Variants in RPP30 observed in about 807,000 individuals in gnomAD.
RPP30 encodes the protein ribonuclease P protein subunit p30.
In RPP30, 36 loss-of-function variants were observed where a neutral mutation model predicts 38.6. The ratio of observed to expected loss-of-function variants is 0.93; its 90% CI spans 0.71 to 1.23. RPP30 has a LOEUF of 1.23. Among genes scored for constraint, RPP30 ranks in the 50% most tolerant of loss-of-function variants. The pLI is 0.00. For synonymous variants in RPP30, 126 were observed against 112.7 expected (o/e 1.12, Z -0.75); for missense variants, 321 against 321.7 (o/e 1.00, Z 0.02).
chr10:90,885,669 G>A (rs914902744), intron 5 of RPP30, 143 bp from the exon 6 acceptor site: 16 of 625,726 alleles, frequency 2.6e-5, no homozygotes, highest in Non-Finnish European at 4.2e-5. Context: ...AGTTGACTTT[G>A]TAAAAGGTCA....
chr10:90,902,747 G>A (rs938687092), downstream of RPP30, among the ~76,000 whole-genome samples: 1 of 152,162 alleles, frequency 6.6e-6, no homozygotes, highest in African/African-American at 2.4e-5. Flanking sequence ...TATATTAAAT[G>A]TGATGGCTCC....
At chr10:90,879,296 A>G (rs896008813) in intron 5 of RPP30, among the ~76,000 whole-genome samples, 162 bp downstream of exon 5, 5 of 152,064 alleles carry the variant, frequency 3.3e-5, no homozygotes. Context: ...TATAACTGGT[A>G]TTTGTGGTTT....
chr10:90,874,880 G>C lies in RPP30; in HGVS notation c.94G>C (p.Val32Leu). The change falls in exon 2 of 11, where the codon GTT (valine) becomes CTT (leucine). Residue 32 changes from valine to leucine, a missense_variant. Transcript: ENST00000371703. ...VETAAHLGYS[V>L]VAINHIVDFK... ...TTTTTCTTTTTCAGTTGGCTATTCA[G>C]TTGTTGCTATCAATCATATCGTTGA... 1 of 1,595,232 alleles carries C rather than the reference G, an allele frequency of 6.3e-7. No individual in the cohort carries two copies. Among genetic ancestry groups the C allele is most frequent in the South Asian group, 1.1e-5 (1 of 88,010 alleles).
At chr10:90,885,997 C>A in intron 6 of RPP30, 96 bp downstream of exon 6, 1 of 801,654 alleles carries the variant, frequency 1.2e-6, no homozygotes, top group Non-Finnish European at 1.9e-6. Flanking sequence ...GAAGGAAAAA[C>A]AAAGGCTAGG....
intron 6 of RPP30, among the ~76,000 whole-genome samples, chr10:90,886,443 G>T (rs1229710804): frequency 6.6e-6 from 1 of 152,126 alleles, no homozygotes; most frequent in African/African-American, 2.4e-5. Flanking sequence ...TTCTCCCTCT[G>T]CTATAGAATT....
At chr10:90,906,918 T>TA (rs1187434695), downstream of RPP30, among the ~76,000 whole-genome samples, 4 of 152,096 alleles carry the variant, frequency 2.6e-5, no homozygotes, top group East Asian at 1.9e-4. Context: ...GAGAACCTTA[T>TA]AAAAAAATTG....
At chr10:90,876,362 T>C (rs548016176) in intron 4 of RPP30, among the ~76,000 whole-genome samples, 76 of 152,294 alleles carry the variant, frequency 5.0e-4, no homozygotes, top group African/African-American at 1.8e-3. Flanking sequence ...AGACTTAAGG[T>C]GGGTGCTGGG....
At chr10:90,874,551 G>A (rs916812130) in intron 1 of RPP30, among the ~76,000 whole-genome samples, 1 of 152,182 alleles carries the variant, frequency 6.6e-6, no homozygotes, top group African/African-American at 2.4e-5. Flanking sequence ...AATTCATAAT[G>A]GTTAAACAAA....
At position 90,872,036 on chromosome 10, in the gene RPP30, C is replaced by T. The variant is rs758257601; in HGVS notation, c.50C>T (p.Ala17Val). The change falls in exon 1 of 11, where the codon GCT becomes GTT. Residue 17 changes from alanine (A) to valine (V), a missense_variant. Ala to Val is a moderately conservative substitution (Grantham distance 64, BLOSUM62 0). Transcript: ENST00000371703. ...CTGCGAGCGGGTTCTGACCTGAAGG[C>T]TCTGCGCGGACTTGTGGAGACAGCC... ...LDLRAGSDLK[A>V]LRGLVETAAH... 6.2e-7 allele frequency: 1 copy of T among 1,614,186 alleles called. No homozygotes were observed. The highest frequency in any genetic ancestry group is 1.7e-5 in the Admixed American group (1 of 60,026).
Position 90,902,051 on chromosome 10 carries a change from C to T in RPP30, c.*1372C>T. 2 of 778,612 alleles carry T rather than the reference C, an allele frequency of 2.6e-6. No homozygotes were observed. The highest frequency in any genetic ancestry group is 3.1e-6 in the Non-Finnish European group (2 of 640,576). 48.2% of individuals were successfully genotyped at this position (778,612 alleles called of 1,614,324 possible). A position where few individuals can be genotyped will look rare whatever the true frequency, so the allele number is the denominator to read the frequency against. ...TGACCTCATATTCCACCCGCCTCGG[C>T]CTCCCAAAGTGCTGGGATTACAGGC... On this transcript the variant is annotated 3_prime_UTR_variant, in exon 11 of 11. Transcript: ENST00000371703.
chr10:90,884,292 A>G (rs193143572), intron 5 of RPP30, among the ~76,000 whole-genome samples: 1 of 152,314 alleles, frequency 6.6e-6, no homozygotes, highest in East Asian at 1.9e-4. Context: ...TATAAGTAGA[A>G]TTGTTGGTGT....
At chr10:90,889,607 C>T (rs993478159) in intron 6 of RPP30, among the ~76,000 whole-genome samples, 2 of 152,056 alleles carry the variant, frequency 1.3e-5, no homozygotes, top group African/African-American at 4.8e-5. Context: ...AATTTTGTCA[C>T]GATGTGGGCC....
intron 1 of RPP30, among the ~76,000 whole-genome samples, chr10:90,872,567 A>T (rs1846795132): frequency 1.3e-5 from 2 of 152,014 alleles, no homozygotes; most frequent in Non-Finnish European, 2.9e-5. Flanking sequence ...TACACAGCGG[A>T]GTGGAGGTGG....
intron 4 of RPP30, among the ~76,000 whole-genome samples, chr10:90,876,866 A>G (rs966667674): frequency 1.3e-5 from 2 of 152,108 alleles, no homozygotes; most frequent in African/African-American, 4.8e-5. Context: ...GGGAGAATTG[A>G]TGGGATTTAT....
chr10:90,885,928 GAA>G (rs906422504), intron 6 of RPP30, 27 bp downstream of exon 6: 2 of 1,399,410 alleles, frequency 1.4e-6, no homozygotes, highest in African/African-American at 2.9e-5. Context: ...TTCTGTATTT[GAA>G]TCTTAGAAAC....
chr10:90,876,219 A>G (rs1336496885), intron 4 of RPP30, 121 bp downstream of exon 4: 1 of 626,654 alleles, frequency 1.6e-6, no homozygotes, highest in African/African-American at 1.8e-5. Flanking sequence ...AAACCATGAC[A>G]CCTGCTTGCT....
intron 3 of RPP30, among the ~76,000 whole-genome samples, 186 bp from the exon 4 acceptor site, chr10:90,875,838 G>A (rs953550662): frequency 4.6e-5 from 7 of 152,094 alleles, no homozygotes; most frequent in African/African-American, 1.7e-4. Flanking sequence ...ATCTCGTTAT[G>A]TAGTTTAAGA....
chr10:90,882,372 A>G (rs534375632), intron 5 of RPP30, among the ~76,000 whole-genome samples: 63 of 152,338 alleles, frequency 4.1e-4, no homozygotes, highest in Admixed American at 6.5e-4. Context: ...AGATCTTAAG[A>G]TAGTGAATTA....
In RPP30 at chr10:90,901,490, A is replaced by G; in HGVS notation, c.*811A>G. 1 of 985,042 alleles carries G rather than the reference A, an allele frequency of 1.0e-6. No individual in the cohort carries two copies. The highest frequency in any genetic ancestry group is 1.2e-6 in the Non-Finnish European group (1 of 829,582). The allele number at this position is 985,042 out of a possible 1,614,324, so 61.0% of individuals were successfully genotyped here. On this transcript the variant is annotated 3_prime_UTR_variant, in exon 11 of 11. Coordinates refer to ENST00000371703, the MANE Select transcript of RPP30 (RefSeq NM_006413.5). ...AGAGAGGATACACATGTAAAATTACATCTGGTCTCTTCCTTCACTGCTTCA... is the reference window on the plus strand; with the variant it reads ...AGAGAGGATACACATGTAAAATTACGTCTGGTCTCTTCCTTCACTGCTTCA...
Sources: gnomAD v4.1 joint callset for allele counts (sites outside exome capture counted in the v4.1 genomes callset) on GRCh38, gnomAD v4.1.1 for gene constraint, MANE v1.5 for transcripts, NCBI Gene and HGNC (gene_info 2026-07-23, HGNC 2026-07-21) for gene names.